The following DNAH5 variants were observed in gnomAD, a reference collection of about 807,000 sequenced individuals.
The protein encoded by DNAH5 is dynein axonemal heavy chain 5, also known as axonemal beta dynein heavy chain 5.
A neutral mutation model predicts 518.2 loss-of-function variants in DNAH5; 372 were observed. The ratio of observed to expected loss-of-function variants is 0.72; its 90% CI spans 0.66 to 0.78. The LOEUF is 0.78. Ranked by LOEUF, DNAH5 falls within the 30% of genes least tolerant of loss-of-function variation. The pLI, the probability that DNAH5 is intolerant of heterozygous loss-of-function variation, is 0.00. For missense variants in DNAH5, 5,523 were observed against 5,687.0 expected (o/e 0.97, Z 0.93); for synonymous variants, 2,039 against 2,025.9 (o/e 1.01, Z -0.17).
intron 13 of DNAH5, 59 bp from the exon 14 acceptor site, chr5:13,901,632 A>C (rs922463268): frequency 1.3e-5 from 14 of 1,064,468 alleles, no homozygotes; most frequent in Middle Eastern, 2.7e-4. Context: ...TAAAATACAC[A>C]ATAAAAATAT....
intron 22 of DNAH5, among the ~76,000 whole-genome samples, chr5:13,872,866 G>C (rs1437407703): frequency 6.6e-6 from 1 of 151,938 alleles, no homozygotes; most frequent in Non-Finnish European, 1.5e-5. Flanking sequence ...TTTGCATATG[G>C]TTCTCACTCA....
chr5:13,924,401 C>T (rs773693340), intron 3 of DNAH5, among the ~76,000 whole-genome samples: 9 of 152,100 alleles, frequency 5.9e-5, no homozygotes, highest in Non-Finnish European at 7.4e-5. Flanking sequence ...TATGGCCGGG[C>T]GTGGTGGCTC....
At position 13,913,962 on chromosome 5, in the gene DNAH5, A is replaced by C. The variant is rs1042276563; in HGVS notation, c.1321-4T>G. 15 of 1,612,242 alleles carry C rather than the reference A, an allele frequency of 9.3e-6. No homozygotes were observed. Among genetic ancestry groups the C allele is most frequent in the African/African-American group, 1.3e-5 (1 of 74,868 alleles). On this transcript the variant is annotated splice_region_variant and splice_polypyrimidine_tract_variant and intron_variant, in intron 10 of 78. Transcript: ENST00000265104. Reference sequence around the variant, plus strand: ...TGTGAAAGCAGAGCTGGTATTCCTTAAAATCAAAAGAAAAATATACAACAA... The same window carrying C: ...TGTGAAAGCAGAGCTGGTATTCCTTCAAATCAAAAGAAAAATATACAACAA...
chr5:13,995,597 A>T lies in DNAH5; in HGVS notation c.12+16051T>A, dbSNP rs531131657. On this transcript the variant is annotated intron_variant, in intron 1 of 78. Coordinates refer to the DNAH5 transcript ENST00000681290. ...CAAAAAATAAAATATAACAAATTAC[A>T]ACTTTTTTTAAACTGACAACACAAA... Among the ~76,000 whole-genome samples, 41 of 152,320 alleles carry T rather than the reference A, an allele frequency of 2.7e-4. No homozygotes were observed. The South Asian group carries it at 7.0e-3, about 26-fold the overall frequency.
chr5:13,895,972 T>C (rs1467204559), intron 15 of DNAH5, among the ~76,000 whole-genome samples: 5 of 152,100 alleles, frequency 3.3e-5, no homozygotes, highest in East Asian at 4.0e-4. Context: ...TCTTGTTTGC[T>C]GTCTAAACTG....
Position 13,792,027 on chromosome 5 carries a change from C to A in DNAH5, c.8415G>T (p.Leu2805=). 1 of 1,613,970 alleles carries A rather than the reference C, an allele frequency of 6.2e-7. No homozygotes were observed. The highest frequency in any genetic ancestry group is 8.5e-7 in the Non-Finnish European group (1 of 1,179,952). ...CCTTGATGACCTCTGAAGTAGTGTT[C>A]AGCATTCCCTGCCAGACCCGAGAAA... is the stretch of plus-strand genomic sequence containing the variant. ...RDLSRVWQGM[L]NTTSEVIKEP... Residue 2805 remains leucine (L), a synonymous_variant, in exon 50 of 79, where the codon CTG becomes CTT. Transcript: ENST00000265104.
chr5:13,723,436 A>T (rs897250878), intron 70 of DNAH5, among the ~76,000 whole-genome samples: 1 of 152,126 alleles, frequency 6.6e-6, no homozygotes, highest in Non-Finnish European at 1.5e-5. Context: ...AGTACTTTCT[A>T]CCCCAAGATA....
chr5:13,750,199 T>A (rs1362569211), intron 65 of DNAH5, among the ~76,000 whole-genome samples: 1 of 152,208 alleles, frequency 6.6e-6, no homozygotes, highest in African/African-American at 2.4e-5. Context: ...CTTTGCTGAC[T>A]GTATTAACAT....
At chr5:13,712,769 G>A (rs563147543) in intron 75 of DNAH5, among the ~76,000 whole-genome samples, 3 of 152,028 alleles carry the variant, frequency 2.0e-5, no homozygotes, top group Non-Finnish European at 2.9e-5. Context: ...AAACCACAAC[G>A]CGACAACAAC....
chr5:13,729,077 T>A (rs1392154087), intron 69 of DNAH5, among the ~76,000 whole-genome samples: 2 of 152,224 alleles, frequency 1.3e-5, no homozygotes, highest in African/African-American at 2.4e-5. Flanking sequence ...GCTGTTCATA[T>A]GTCTTTTCAT....
At position 13,920,607 on chromosome 5, in the gene DNAH5, C is replaced by T. The variant is rs749610202; in HGVS notation, c.671G>A (p.Arg224Gln). 5.0e-6 allele frequency: 8 copies of T among 1,614,066 alleles called. No individual in the cohort carries two copies. Among genetic ancestry groups the T allele is most frequent in the South Asian group, 2.2e-5 (2 of 91,078 alleles). Residue 224 changes from arginine to glutamine, a missense_variant, in exon 6 of 79, where the codon CGA becomes CAA. Transcript: ENST00000265104. ...QESLKEKVNL[R>Q]KCDILELKTL... Reference sequence around the variant, plus strand: ...TTTCAGTTCAAGTATGTCACACTTTCGAAGGTTCACCTAATTAGAATGAAA... The same window carrying T: ...TTTCAGTTCAAGTATGTCACACTTTTGAAGGTTCACCTAATTAGAATGAAA...
rs1267010628 is a variant in DNAH5 at position 13,786,182 on chromosome 5, G to A, written c.8817C>T (p.Val2939=). 6.2e-7 allele frequency: 1 copy of A among 1,613,714 alleles called. No individual in the cohort carries two copies. The highest frequency in any genetic ancestry group is 1.3e-5 in the African/African-American group (1 of 74,918). Residue 2939 remains valine, a synonymous_variant, in exon 52 of 79, where the codon GTC becomes GTT. Coordinates refer to ENST00000265104, the MANE Select transcript of DNAH5 (RefSeq NM_001369.3). ...VFFADAMVHL[V]KISRVIRTPQ... ...CTACTCAGAGTGGCTACTGTACCTTGACTAAGTGAACCATGGCATCTGCAA... is the reference window on the plus strand; with the variant it reads ...CTACTCAGAGTGGCTACTGTACCTTAACTAAGTGAACCATGGCATCTGCAA...
intron 15 of DNAH5, among the ~76,000 whole-genome samples, chr5:13,896,992 T>C (rs1773992966): frequency 6.6e-6 from 1 of 152,138 alleles, no homozygotes; most frequent in South Asian, 2.1e-4. Context: ...AGAAAAAATG[T>C]CCCTTTGATA....
intron 75 of DNAH5, among the ~76,000 whole-genome samples, chr5:13,712,673 C>G (rs1743649319): frequency 6.6e-6 from 1 of 151,880 alleles, no homozygotes; most frequent in Admixed American, 6.6e-5. Flanking sequence ...TATGAATAGG[C>G]AATTCTCAAA....
At chr5:13,964,110 C>T (rs764586082) in intron 1 of DNAH5, among the ~76,000 whole-genome samples, 2 of 152,232 alleles carry the variant, frequency 1.3e-5, no homozygotes, top group Non-Finnish European at 2.9e-5. Flanking sequence ...CAGCTATAGG[C>T]CTTGGCCTAC....
intron 35 of DNAH5, among the ~76,000 whole-genome samples, chr5:13,837,288 G>A (rs1764519630): frequency 6.6e-6 from 1 of 152,240 alleles, no homozygotes; most frequent in South Asian, 2.1e-4. Context: ...GAGAGAAACT[G>A]TGCTTTTGAG....
chr5:14,007,461 G>C (rs1243136047), intron 1 of DNAH5, among the ~76,000 whole-genome samples: 2 of 152,138 alleles, frequency 1.3e-5, no homozygotes, highest in Admixed American at 6.5e-5. Context: ...TCTGGAAGCG[G>C]CTTCAAAAAA....
chr5:13,889,146 G>T (rs1772834586), intron 17 of DNAH5, among the ~76,000 whole-genome samples: 1 of 152,058 alleles, frequency 6.6e-6, no homozygotes, highest in Non-Finnish European at 1.5e-5. Flanking sequence ...TTGATTAAAA[G>T]GCTAGTTTCT....
rs377044750 is a variant in DNAH5 at position 13,891,067 on chromosome 5, T to A, written c.2486A>T (p.Asp829Val). The A allele has an allele frequency of 1.2e-6, 2 of 1,614,140 alleles. No homozygotes were observed. Among genetic ancestry groups the A allele is most frequent in the African/African-American group, 2.7e-5 (2 of 75,050 alleles). The stretch of plus-strand genomic sequence containing the variant: ...GCTGCTCATTTCTTCTAGAATGGCA[T>A]CAATGCGGAACTCAATCAAATCATT... ...RVNDLIEFRI[D>V]AILEEMSSTP... The change falls in exon 17 of 79, where the codon GAT becomes GTT. Residue 829 changes from aspartate (D) to valine (V), a missense_variant. Asp to Val is a radical substitution (Grantham distance 152). Coordinates refer to ENST00000265104, the MANE Select transcript of DNAH5 (RefSeq NM_001369.3).
Sources: allele counts gnomAD v4.1 joint callset (sites outside exome capture counted in the v4.1 genomes callset), GRCh38; gene constraint gnomAD v4.1.1; transcripts MANE v1.5; gene names NCBI Gene and HGNC (gene_info 2026-07-23, HGNC 2026-07-21).